XYLT1: variants seen among roughly 807,000 people sequenced by gnomAD.
XYLT1 encodes xylosyltransferase 1, also known as beta-D-xylosyltransferase 1.
In XYLT1, 36 loss-of-function variants were observed where a neutral mutation model predicts 91.3. The observed-to-expected ratio is 0.39, with a 90% CI of 0.30 to 0.52. The LOEUF (loss-of-function observed/expected upper bound fraction) is 0.52, where lower values mean the gene tolerates loss of function less well. Ranked by LOEUF, XYLT1 falls within the 20% of genes least tolerant of loss-of-function variation. XYLT1 has a pLI of 0.68. For synonymous variants in XYLT1, 588 were observed against 532.0 expected, an observed-to-expected ratio of 1.11 and a Z score of -1.45; for missense variants, 1,242 against 1,284.5, an observed-to-expected ratio of 0.97 and a Z score of 0.51.
chr16:17,256,143 C>G (rs1300826256), intron 3 of XYLT1, among the ~76,000 whole-genome samples: 1 of 152,116 alleles, frequency 6.6e-6, no homozygotes, highest in Non-Finnish European at 1.5e-5. Flanking sequence ...GATGGGGGGG[C>G]CATAAGGAAG....
intron 3 of XYLT1, among the ~76,000 whole-genome samples, chr16:17,208,184 C>G (rs2032690703): frequency 1.3e-5 from 2 of 149,822 alleles, no homozygotes; most frequent in South Asian, 4.3e-4. Flanking sequence ...CAGTGCCTTG[C>G]TATGCTGTCC....
At chr16:17,302,931 G>A (rs974982882) in intron 2 of XYLT1, among the ~76,000 whole-genome samples, 1 of 152,016 alleles carries the variant, frequency 6.6e-6, no homozygotes, top group Non-Finnish European at 1.5e-5. Context: ...GAGAGAGCTA[G>A]CAAGTGAGCA....
At chr16:17,288,051 T>C (rs2034167563) in intron 2 of XYLT1, among the ~76,000 whole-genome samples, 1 of 151,340 alleles carries the variant, frequency 6.6e-6, no homozygotes, top group South Asian at 2.1e-4. Flanking sequence ...CACCTCAGCC[T>C]CCCGAGTAAA....
intron 1 of XYLT1, among the ~76,000 whole-genome samples, chr16:17,457,053 C>G (rs913684434): frequency 6.6e-5 from 10 of 152,076 alleles, no homozygotes; most frequent in South Asian, 2.1e-4. Flanking sequence ...CCCGTGTACA[C>G]GAGGCAGCCA....
intron 1 of XYLT1, among the ~76,000 whole-genome samples, chr16:17,430,565 GC>G (rs1300975760): frequency 1.3e-5 from 2 of 152,138 alleles, no homozygotes; most frequent in African/African-American, 4.8e-5. Context: ...TCCTGGAGGG[GC>G]CCCCAGTCTT....
chr16:17,369,060 A>G (rs190045516), intron 1 of XYLT1, among the ~76,000 whole-genome samples: 84 of 152,054 alleles, frequency 5.5e-4, no homozygotes, highest in African/African-American at 2.0e-3. Context: ...TTTAAAAAAA[A>G]AAAGAAAAAA....
intron 1 of XYLT1, among the ~76,000 whole-genome samples, chr16:17,384,108 T>C (rs1345220566): frequency 6.6e-6 from 1 of 151,802 alleles, no homozygotes; most frequent in Non-Finnish European, 1.5e-5. Context: ...GAGGATAACA[T>C]TAGGATCGGC....
At chr16:17,208,180 C>T (rs1293497378) in intron 3 of XYLT1, among the ~76,000 whole-genome samples, 1 of 150,898 alleles carries the variant, frequency 6.6e-6, no homozygotes, top group Non-Finnish European at 1.5e-5. Context: ...GAGACAGTGC[C>T]TTGCTATGCT....
At chr16:17,186,223 C>T (rs1430295591) in intron 5 of XYLT1, among the ~76,000 whole-genome samples, 1 of 152,144 alleles carries the variant, frequency 6.6e-6, no homozygotes, top group African/African-American at 2.4e-5. Flanking sequence ...CCTGCCTCAG[C>T]CTCCCGAGTA....
intron 1 of XYLT1, among the ~76,000 whole-genome samples, chr16:17,385,306 ACAC>A (rs1253354191): frequency 6.7e-6 from 1 of 149,954 alleles, no homozygotes; most frequent in Non-Finnish European, 1.5e-5. Context: ...ACACACACAC[ACAC>A]ACCTATGTAC....
chr16:17,190,525 A>G (rs2032287145), intron 5 of XYLT1, among the ~76,000 whole-genome samples: 1 of 141,166 alleles, frequency 7.1e-6, no homozygotes, highest in Admixed American at 7.9e-5. Context: ...GTTCCCACCT[A>G]TGAGTGAGAA....
chr16:17,208,886 G>C lies in XYLT1; in HGVS notation c.914-8232C>G, dbSNP rs139194000. Among the ~76,000 whole-genome samples the C allele has an allele frequency of 2.6e-5, 4 of 152,084 alleles. No individual in the cohort carries two copies. The South Asian group carries it at 8.3e-4, about 32-fold the overall frequency. On this transcript the variant is annotated intron_variant, in intron 3 of 11. Transcript: ENST00000261381. Reference sequence around the variant, plus strand: ...ACTACAGGTGCCCACCACCACGCCCGGCTAATTTTTTTGTATTTTTAGTAG... The same window carrying C: ...ACTACAGGTGCCCACCACCACGCCCCGCTAATTTTTTTGTATTTTTAGTAG...
chr16:17,203,518 C>G (rs908301156), intron 3 of XYLT1, among the ~76,000 whole-genome samples: 2 of 151,920 alleles, frequency 1.3e-5, no homozygotes, highest in African/African-American at 4.8e-5. Flanking sequence ...ACCCATCCAC[C>G]CATTCATCCA....
intron 2 of XYLT1, among the ~76,000 whole-genome samples, chr16:17,304,158 C>A (rs1442578758): frequency 1.3e-5 from 2 of 151,898 alleles, no homozygotes; most frequent in Non-Finnish European, 2.9e-5. Flanking sequence ...TAATAACCAT[C>A]GTGGTGAAGG....
Position 17,432,856 on chromosome 16 carries a change from C to T in XYLT1, c.363+37578G>A, listed in dbSNP as rs548481059. ...ACCCAAGCAGATACGCTGGAGATGG[C>T]ACATCAATTGTCTTGTCAAAAGAGG... On this transcript the variant is annotated intron_variant, in intron 1 of 11. Transcript: ENST00000261381. Among the ~76,000 whole-genome samples the T allele has an allele frequency of 2.0e-5, 3 of 152,150 alleles. No individual in the cohort carries two copies. In the East Asian group the frequency reaches 5.8e-4, roughly 29 times the overall value.
intron 1 of XYLT1, among the ~76,000 whole-genome samples, chr16:17,393,585 C>G (rs2035847209): frequency 2.0e-5 from 3 of 152,036 alleles, no homozygotes; most frequent in Admixed American, 1.3e-4. Flanking sequence ...TAAATGTTCA[C>G]CAGCAATACA....
chr16:17,211,189 G>A (rs1363447416), intron 3 of XYLT1, among the ~76,000 whole-genome samples: 2 of 152,212 alleles, frequency 1.3e-5, no homozygotes, highest in Non-Finnish European at 2.9e-5. Context: ...GGAGGGATGC[G>A]AAGGAAGCTT....
intron 1 of XYLT1, among the ~76,000 whole-genome samples, chr16:17,427,779 C>T (rs781042122): frequency 6.6e-6 from 1 of 152,002 alleles, no homozygotes; most frequent in Non-Finnish European, 1.5e-5. Flanking sequence ...ACTTTAAAAT[C>T]ACAGGTTTAA....
intron 10 of XYLT1, 30 bp from the exon 11 acceptor site, chr16:17,118,009 C>T (rs987589537): frequency 8.8e-6 from 14 of 1,589,370 alleles, no homozygotes; most frequent in African/African-American, 5.4e-5. Context: ...TCTGAAGTCA[C>T]TGGGCCTGAA....
Sources: gnomAD v4.1 joint callset for allele counts (sites outside exome capture counted in the v4.1 genomes callset) on GRCh38, gnomAD v4.1.1 for gene constraint, MANE v1.5 for transcripts, NCBI Gene and HGNC (gene_info 2026-07-23, HGNC 2026-07-21) for gene names.